PYGL: variants seen among roughly 807,000 people sequenced by gnomAD.
The protein encoded by PYGL is glycogen phosphorylase L, also known as glycogen phosphorylase, liver form.
PYGL carries 90 observed loss-of-function variants against 100.1 expected under a neutral mutation model. That is an observed-to-expected ratio of 0.90 (90% CI 0.76 to 1.07). The LOEUF (loss-of-function observed/expected upper bound fraction) is 1.07, where lower values mean the gene tolerates loss of function less well. PYGL is among the 50% of genes least tolerant of loss of function. PYGL has a pLI of 0.00. For missense variants in PYGL, 1,016 were observed against 1,057.6 expected (o/e 0.96, Z 0.55); for synonymous variants, 373 against 393.0 (o/e 0.95, Z 0.60).
chr14:50,921,460 C>G (rs1048881304), intron 5 of PYGL: 9 of 181,174 alleles, frequency 5.0e-5, no homozygotes, highest in African/African-American at 2.2e-4. Context: ...GTGGTGCAAT[C>G]TCGGCTCACT....
At chr14:50,926,593 G>GCA (rs2050549590) in intron 4 of PYGL, among the ~76,000 whole-genome samples, 1 of 151,132 alleles carries the variant, frequency 6.6e-6, no homozygotes, top group Admixed American at 6.6e-5. Context: ...GGGCATGGTG[G>GCA]CGGGCACCTG....
Position 50,924,047 on chromosome 14 carries a change from G to C in PYGL, c.582C>G (p.Arg194=), listed in dbSNP as rs748714148. Residue 194 remains arginine, a synonymous_variant, in exon 5 of 20, where the codon CGC becomes CGG. Coordinates refer to ENST00000216392, the MANE Select transcript of PYGL (RefSeq NM_002863.5). The part of the protein sequence containing the change: ...LRYGNPWEKS[R]PEFMLPVHFY... ...AGTGCACAGGCAGCATGAATTCTGG[G>C]CGGGACTTCTCCCAAGGGTTTCCAT... The C allele has an allele frequency of 6.2e-7, 1 of 1,613,654 alleles. No homozygotes were observed. The highest frequency in any genetic ancestry group is 1.7e-5 in the Admixed American group (1 of 60,006).
chr14:50,943,984 G>A (rs1422650724), intron 1 of PYGL, among the ~76,000 whole-genome samples, 177 bp downstream of exon 1: 1 of 152,188 alleles, frequency 6.6e-6, no homozygotes, highest in Non-Finnish European at 1.5e-5. Flanking sequence ...CTGTTGGGAG[G>A]CCTAATCTGT....
chr14:50,925,629 A>G (rs558125443), intron 4 of PYGL, among the ~76,000 whole-genome samples: 2 of 152,378 alleles, frequency 1.3e-5, no homozygotes, highest in East Asian at 3.9e-4. Flanking sequence ...GAGAATTTAG[A>G]CTAACCATTA....
intron 5 of PYGL, 115 bp downstream of exon 5, chr14:50,923,854 T>C: frequency 1.6e-6 from 2 of 1,289,478 alleles, no homozygotes; most frequent in East Asian, 2.5e-5. Context: ...TATTCTATTA[T>C]TCAAAACACG....
At chr14:50,906,004 A>G (rs979280357) in intron 19 of PYGL, among the ~76,000 whole-genome samples, 1 of 152,212 alleles carries the variant, frequency 6.6e-6, no homozygotes, top group Non-Finnish European at 1.5e-5. Context: ...GCTATAATGC[A>G]GGCAAACAAT....
At chr14:50,908,003 C>T (rs2050350324) in intron 19 of PYGL, 1 of 338,390 alleles carries the variant, frequency 3.0e-6, no homozygotes, top group South Asian at 2.8e-5. Flanking sequence ...GTCTGAGTGA[C>T]AGAGCGAGAT....
chr14:50,924,315 T>C (rs1005384589), intron 4 of PYGL, among the ~76,000 whole-genome samples: 3 of 152,206 alleles, frequency 2.0e-5, no homozygotes, highest in African/African-American at 7.2e-5. Flanking sequence ...AATCCTCTTT[T>C]AAAGATGAGG....
chr14:50,919,666 GGTGTGTGTGT>G (rs35650221), intron 7 of PYGL, among the ~76,000 whole-genome samples: 2 of 148,656 alleles, frequency 1.3e-5, no homozygotes, highest in Non-Finnish European at 1.5e-5. Flanking sequence ...AGTTCCAAGT[GGTGTGTGTGT>G]GTGTGTGTGT....
chr14:50,942,525 T>A (rs1380480565), intron 1 of PYGL, among the ~76,000 whole-genome samples: 1 of 140,144 alleles, frequency 7.1e-6, no homozygotes, highest in African/African-American at 2.5e-5. Context: ...TGTAAATAAA[T>A]TTTTAAAAGA....
intron 18 of PYGL, 102 bp downstream of exon 18, chr14:50,908,719 A>G: frequency 6.8e-7 from 1 of 1,479,984 alleles, no homozygotes; most frequent in Non-Finnish European, 9.3e-7. Context: ...TTGGTTTAAG[A>G]TTGGTTTAAG....
Position 50,915,737 on chromosome 14 carries a change from A to C in PYGL, c.1239+88T>G. 4 of 1,524,880 alleles carry C rather than the reference A, an allele frequency of 2.6e-6. 1 individual carries two copies. The South Asian group carries it at 4.6e-5, about 18-fold the overall frequency. 94.5% of individuals were successfully genotyped at this position (1,524,880 alleles called of 1,614,324 possible). On this transcript the variant is annotated intron_variant, in intron 10 of 19. Coordinates refer to ENST00000216392, the MANE Select transcript of PYGL (RefSeq NM_002863.5). The stretch of plus-strand genomic sequence containing the variant: ...CTTTTGCTGTATCAATGATTGAAAG[A>C]TGTTTGGTAAGAGGGAACACTGTAG...
At chr14:50,943,424 C>G (rs1479473134) in intron 1 of PYGL, among the ~76,000 whole-genome samples, 2 of 152,240 alleles carry the variant, frequency 1.3e-5, no homozygotes, top group Non-Finnish European at 2.9e-5. Flanking sequence ...GGTCCCTGAC[C>G]AGCCTTCCTC....
At chr14:50,936,768 G>C (rs546933945) in intron 2 of PYGL, among the ~76,000 whole-genome samples, 4 of 151,026 alleles carry the variant, frequency 2.6e-5, no homozygotes, top group Non-Finnish European at 5.9e-5. Context: ...TCCAGCCTGC[G>C]TAACAGGACG....
rs183556472 is a variant in PYGL, at chr14:50,933,863, A to G, written c.424+1244T>C. ...GACACATACATATATATTCACAGAA[A>G]ATATTTAATTTTTAAAAAACAAATG... is the stretch of plus-strand genomic sequence containing the variant. On this transcript the variant is annotated intron_variant, in intron 3 of 19. Transcript: ENST00000216392. Among the ~76,000 whole-genome samples, 250 of 152,352 alleles carry G rather than the reference A, an allele frequency of 1.6e-3. 1 individual carries two copies. The highest frequency in any genetic ancestry group is 5.7e-3 in the African/African-American group (235 of 41,582).
chr14:50,909,788 G>C lies in PYGL; in HGVS notation c.2177+107C>G, dbSNP rs2050373653. On this transcript the variant is annotated intron_variant, in intron 17 of 19. Transcript: ENST00000216392. ...GATGTTCTGCTGCCACCTCTTATGT[G>C]ATCCAATTTCAGTGGGATATCGGTG... is the stretch of plus-strand genomic sequence containing the variant. 3.1e-6 allele frequency: 4 copies of C among 1,280,444 alleles called. No homozygotes were observed. In the African/African-American group the frequency reaches 5.9e-5, roughly 19 times the overall value. 79.3% of individuals were successfully genotyped at this position (1,280,444 alleles called of 1,614,324 possible). A position where few individuals can be genotyped will look rare whatever the true frequency, so the allele number is the denominator to read the frequency against.
Position 50,912,222 on chromosome 14 carries a change from C to T in PYGL, c.1702G>A (p.Val568Met), listed in dbSNP as rs1421459275. ...INPSSMFDVQ[V>M]KRIHEYKRQL... ...CGCTTGTACTCATGTATCCTCTTCA[C>T]CTGGACATCAAACATGGAGGATGGG... Residue 568 changes from valine (V) to methionine (M), a missense_variant, in exon 14 of 20, where the codon GTG (valine) becomes ATG (methionine). Physicochemically the swap from Val to Met is conservative, Grantham distance 21. Transcript: ENST00000216392. The T allele has an allele frequency of 6.2e-7, 1 of 1,614,168 alleles. No homozygotes were observed. The highest frequency in any genetic ancestry group is 1.1e-5 in the South Asian group (1 of 91,086).
rs1596030507 is a variant in PYGL, at chr14:50,908,418, A to T, written c.2313-81T>A. On this transcript the variant is annotated intron_variant, in intron 18 of 19. Transcript: ENST00000216392. ...ATATGCTAAAATTCCATGTAAAATCATCTTTTGCTTAATATCAGGCATGGC... is the reference window on the plus strand; with the variant it reads ...ATATGCTAAAATTCCATGTAAAATCTTCTTTTGCTTAATATCAGGCATGGC... The T allele has an allele frequency of 3.8e-6, 5 of 1,298,882 alleles. No homozygotes were observed. The East Asian group carries it at 1.2e-4, about 30-fold the overall frequency. 80.5% of individuals were successfully genotyped at this position (1,298,882 alleles called of 1,614,324 possible). A position where few individuals can be genotyped will look rare whatever the true frequency, so the allele number is the denominator to read the frequency against.
chr14:50,912,685 G>C (rs2050410478), intron 13 of PYGL, among the ~76,000 whole-genome samples: 1 of 152,182 alleles, frequency 6.6e-6, no homozygotes, highest in African/African-American at 2.4e-5. Flanking sequence ...CGGGTGTGGT[G>C]GCTCATGGCT....
Sources: gnomAD v4.1 joint callset for allele counts (sites outside exome capture counted in the v4.1 genomes callset) on GRCh38, gnomAD v4.1.1 for gene constraint, MANE v1.5 for transcripts, NCBI Gene and HGNC (gene_info 2026-07-23, HGNC 2026-07-21) for gene names.